The following OTUD5 variants were observed in gnomAD, a reference collection of about 807,000 sequenced individuals.
The protein encoded by OTUD5 is OTU deubiquitinase 5, also known as OTU domain-containing protein 5.
Under a neutral mutation model 36.3 loss-of-function variants are expected in OTUD5, and 2 were observed. The ratio of observed to expected loss-of-function variants is 0.06; its 90% CI spans 0.02 to 0.17. OTUD5 has a LOEUF of 0.17. Among genes scored for constraint, OTUD5 ranks in the 10% least tolerant of loss-of-function variants. The probability of loss-of-function intolerance (pLI) is 1.00; values close to 1 mark genes in which losing one functional copy is unlikely to be tolerated. For synonymous variants in OTUD5, 234 were observed against 214.9 expected, an observed-to-expected ratio of 1.09 and a Z score of -0.78; for missense variants, 233 against 512.3, an observed-to-expected ratio of 0.45 and a Z score of 5.26.
At chrX:48,958,046 A>G (rs997320604), upstream of OTUD5, among the ~76,000 whole-genome samples, 1 of 112,827 alleles carries the variant, frequency 8.9e-6, no homozygotes, top group Non-Finnish European at 1.9e-5. Context: ...CCGCCACAAC[A>G]ATTGCAACAC....
At chrX:48,937,558 G>A (rs2063848475) in intron 2 of OTUD5, among the ~76,000 whole-genome samples, 1 of 112,162 alleles carries the variant, frequency 8.9e-6, no homozygotes, top group African/African-American at 3.2e-5. Context: ...GGGATCTGGG[G>A]GAAAACCCCC....
chrX:48,934,175 G>C (rs1320327183), intron 5 of OTUD5, among the ~76,000 whole-genome samples: 1 of 111,596 alleles, frequency 9.0e-6, no homozygotes, highest in African/African-American at 3.3e-5. Context: ...GATGCCCAGA[G>C]CAAGCCCTGG....
chrX:48,932,157 A>AGAT (rs1457842085), intron 5 of OTUD5, among the ~76,000 whole-genome samples: 12 of 62,219 alleles, frequency 1.9e-4, no homozygotes, highest in African/African-American at 6.4e-4. Context: ...CTCAAAAAAA[A>AGAT]GATGATAATA....
At chrX:48,948,467 G>A (rs1163538138) in intron 1 of OTUD5, among the ~76,000 whole-genome samples, 1 of 112,404 alleles carries the variant, frequency 8.9e-6, no homozygotes, top group Non-Finnish European at 1.9e-5. Flanking sequence ...AGGCCCCCAC[G>A]AGCCACAGCA....
chrX:48,958,274 A>C (rs2064293034), upstream of OTUD5: 1 of 112,907 alleles, frequency 8.9e-6, no homozygotes, highest in Non-Finnish European at 1.9e-5. Flanking sequence ...GGCCTGTCCC[A>C]CGTACGACAG....
At chrX:48,943,609 T>A (rs972922290) in intron 2 of OTUD5, among the ~76,000 whole-genome samples, 5 of 111,034 alleles carry the variant, frequency 4.5e-5, no homozygotes, top group African/African-American at 1.6e-4. Flanking sequence ...TGAAAAAAAA[T>A]TCTATGATAT....
intron 1 of OTUD5, among the ~76,000 whole-genome samples, chrX:48,951,259 C>T (rs1194743027): frequency 9.0e-6 from 1 of 111,701 alleles, no homozygotes; most frequent in Non-Finnish European, 1.9e-5. Context: ...GTCCCAGCAG[C>T]CCTGGTGCCA....
chrX:48,950,537 CTTTTTT>C (rs781905691), intron 1 of OTUD5, among the ~76,000 whole-genome samples: 6 of 83,086 alleles, frequency 7.2e-5, no homozygotes, highest in Admixed American at 4.2e-4. Flanking sequence ...TTCTCTCTCT[CTTTTTT>C]TTTTTTTTTT....
At position 48,923,261 on chromosome X, in the gene OTUD5, A is replaced by G. The variant is rs1250741230; in HGVS notation, c.1614T>C (p.Ala538=). ...CCTGTTGGGACACTGCCAGCACCGA[A>G]GCTAGGATCTCATCATCATCCCAGT... ...LNDWDDDEIL[A]SVLAVSQQEY... Residue 538 remains alanine, a synonymous_variant, in exon 9 of 9, where the codon GCT becomes GCC. Coordinates refer to ENST00000376488, the MANE Select transcript of OTUD5 (RefSeq NM_001136157.2). 2.5e-6 allele frequency: 3 copies of G among 1,206,982 alleles called. No individual in the cohort carries two copies. The highest frequency in any genetic ancestry group is 3.5e-5 in the African/African-American group (2 of 56,610).
chrX:48,931,876 C>T (rs1229999476), intron 5 of OTUD5, among the ~76,000 whole-genome samples: 1 of 107,562 alleles, frequency 9.3e-6, no homozygotes, highest in African/African-American at 3.4e-5. Flanking sequence ...CTGGGCTGGG[C>T]GCGTTGGCTC....
At chrX:48,930,831 G>A (rs868936744) in intron 5 of OTUD5, among the ~76,000 whole-genome samples, 90 of 110,419 alleles carry the variant, frequency 8.2e-4, no homozygotes, top group African/African-American at 2.8e-3. Context: ...GTGTGGTGGC[G>A]CATGCCTGTA....
chrX:48,942,531 T>G (rs2147625723), intron 2 of OTUD5, among the ~76,000 whole-genome samples: 1 of 110,611 alleles, frequency 9.0e-6, no homozygotes, highest in East Asian at 2.9e-4. Flanking sequence ...ACCTATTCTT[T>G]CTTTGCCTTT....
chrX:48,938,278 CA>C (rs1557050352), intron 2 of OTUD5, among the ~76,000 whole-genome samples: 2 of 111,537 alleles, frequency 1.8e-5, no homozygotes, highest in Admixed American at 9.5e-5. Flanking sequence ...TATACATCTC[CA>C]AACCAAGGAA....
At chrX:48,935,132 T>G in intron 2 of OTUD5, 114 bp from the exon 3 acceptor site, 1 of 715,562 alleles carries the variant, frequency 1.4e-6, no homozygotes, top group Non-Finnish European at 2.1e-6. Context: ...TTCCCTTTTC[T>G]ACCCCAAGGC....
chrX:48,957,918 G>C (rs1311434257), upstream of OTUD5: 2 of 584,959 alleles, frequency 3.4e-6, no homozygotes, highest in African/African-American at 4.9e-5. Context: ...GCACCTCTTC[G>C]CTCCGCCCCC....
intron 1 of OTUD5, among the ~76,000 whole-genome samples, chrX:48,950,551 T>C (rs1006085971): frequency 2.8e-4 from 27 of 97,213 alleles, no homozygotes; most frequent in East Asian, 3.1e-4. Context: ...TTTTTTTTTT[T>C]TTTTTTTTTG....
chrX:48,947,804 A>G (rs1217885073), intron 1 of OTUD5, among the ~76,000 whole-genome samples: 1 of 111,866 alleles, frequency 8.9e-6, no homozygotes, highest in Non-Finnish European at 1.9e-5. Flanking sequence ...AAGACCTCCA[A>G]AAATGCTTGT....
intron 2 of OTUD5, among the ~76,000 whole-genome samples, chrX:48,942,807 G>A (rs1037066377): frequency 9.1e-6 from 1 of 110,175 alleles, no homozygotes; most frequent in Non-Finnish European, 1.9e-5. Context: ...ATATGTGTCA[G>A]GCACTAAAGG....
intron 1 of OTUD5, 111 bp from the exon 2 acceptor site, chrX:48,944,394 A>C (rs1178220695): frequency 2.0e-6 from 1 of 500,778 alleles, no homozygotes; most frequent in African/African-American, 2.3e-5. Flanking sequence ...GACGCTGGCC[A>C]AGGTAAAGTT....
Sources: gnomAD v4.1 joint callset for allele counts (sites outside exome capture counted in the v4.1 genomes callset) on GRCh38, gnomAD v4.1.1 for gene constraint, MANE v1.5 for transcripts, NCBI Gene and HGNC (gene_info 2026-07-23, HGNC 2026-07-21) for gene names.